URB2: variants seen among roughly 807,000 people sequenced by gnomAD.
URB2 encodes the protein unhealthy ribosome biogenesis protein 2 homolog.
In URB2, 86 loss-of-function variants were observed where a neutral mutation model predicts 120.9. The observed-to-expected ratio is 0.71, with a 90% CI of 0.60 to 0.85. URB2 has a LOEUF of 0.85. URB2 is among the 40% of genes least tolerant of loss of function. The pLI is 0.00. For synonymous variants in URB2, 755 were observed against 758.4 expected, an observed-to-expected ratio of 1.00 and a Z score of 0.07; for missense variants, 1,765 against 1,836.5, an observed-to-expected ratio of 0.96 and a Z score of 0.71.
rs61249383 is a variant in URB2 at position 229,628,052 on chromosome 1, C to G, written c.126+293C>G. Among the ~76,000 whole-genome samples, 485 of 145,548 alleles carry G rather than the reference C, an allele frequency of 3.3e-3. 4 individuals are homozygous for G. The highest frequency in any genetic ancestry group is 0.012 in the African/African-American group (461 of 39,518). On this transcript the variant is annotated intron_variant, in intron 2 of 9. Transcript: ENST00000258243. ...TCGCTTGAGGCCAGGAGTTCTAGAC[C>G]AGACTGGACAACATAATGAGATCCC...
chr1:229,654,319 C>T lies in URB2; in HGVS notation c.4308C>T (p.Ala1436=), dbSNP rs761530834. The change falls in exon 9 of 10, where the codon GCC becomes GCT. Residue 1436 remains alanine (A), a synonymous_variant. Coordinates refer to ENST00000258243, the MANE Select transcript of URB2 (RefSeq NM_014777.4). The part of the protein sequence containing the change: ...RLVERMYSHI[A]ARAEEFAVFS... Reference sequence around the variant, plus strand: ...TTGAAAGAATGTACAGCCACATCGCCGCACGAGCTGAGGAGTTTGCTGTGT... The same window carrying T: ...TTGAAAGAATGTACAGCCACATCGCTGCACGAGCTGAGGAGTTTGCTGTGT... 2.4e-5 allele frequency: 38 copies of T among 1,614,026 alleles called. No individual in the cohort carries two copies. The highest frequency in any genetic ancestry group is 5.5e-5 in the South Asian group (5 of 91,076).
At chr1:229,638,538 C>T (rs897235589) in intron 4 of URB2, among the ~76,000 whole-genome samples, 39 of 151,810 alleles carry the variant, frequency 2.6e-4, no homozygotes, top group South Asian at 4.2e-4. Flanking sequence ...CCCAGCTACT[C>T]GGGAGGCTGA....
chr1:229,647,579 C>T lies in URB2; in HGVS notation c.3976C>T (p.Leu1326=). Residue 1326 remains leucine (L), a synonymous_variant, in exon 7 of 10, where the codon CTG becomes TTG. Transcript: ENST00000258243. ...AGTGGTCGGGCCTGTCTTAGATGTC[C>T]TGGCTGCACTGCTGCGGCAGGGGGA... ...LTVVGPVLDV[L]AALLRQGEEA... is the part of the protein sequence containing the mutation. The T allele has an allele frequency of 6.2e-7, 1 of 1,614,222 alleles. No homozygotes were observed. The highest frequency in any genetic ancestry group is 8.5e-7 in the Non-Finnish European group (1 of 1,180,040).
At chr1:229,653,706 A>G (rs1050173294) in intron 8 of URB2, among the ~76,000 whole-genome samples, 3 of 152,222 alleles carry the variant, frequency 2.0e-5, no homozygotes, top group African/African-American at 7.2e-5. Flanking sequence ...ACTAGGAATC[A>G]GAAGTAAATC....
At position 229,659,029 on chromosome 1, in the gene URB2, C is replaced by T. The variant is rs142825435; in HGVS notation, c.4378-71C>T. On this transcript the variant is annotated intron_variant, in intron 9 of 9. Transcript: ENST00000258243. ...AATTACTTGTTAGTGCTTCCCAAGG[C>T]ATTGTTGGCAGGTGGTGCGGCTTGA... 463 of 1,486,078 alleles carry T rather than the reference C, an allele frequency of 3.1e-4. 1 individual carries two copies. In the African/African-American group the frequency reaches 5.8e-3, roughly 19 times the overall value. The allele number at this position is 1,486,078 out of a possible 1,614,324, so 92.1% of individuals were successfully genotyped here. A position where few individuals can be genotyped will look rare whatever the true frequency, so the allele number is the denominator to read the frequency against.
At chr1:229,626,634 C>T (rs1665489393) in intron 1 of URB2, among the ~76,000 whole-genome samples, 1 of 152,250 alleles carries the variant, frequency 6.6e-6, no homozygotes. Flanking sequence ...GCTGGCAGGG[C>T]TGTGCTGTCC....
rs138540419 is a variant in URB2 at position 229,632,404 on chromosome 1, A to G, written c.262A>G (p.Lys88Glu). ...LHSRKLQNLL[K>E]NGKTINLQIS... Reference sequence around the variant, plus strand: ...TAGCAGAAAATTGCAGAATCTCCTCAAGAATGGAAAGACCATTAATCTTCA... The same window carrying G: ...TAGCAGAAAATTGCAGAATCTCCTCGAGAATGGAAAGACCATTAATCTTCA... Residue 88 changes from lysine to glutamate, a missense_variant, in exon 3 of 10, where the codon AAG becomes GAG. Physicochemically the swap from Lys to Glu is moderately conservative, Grantham distance 56 (BLOSUM62 1). Coordinates refer to ENST00000258243, the MANE Select transcript of URB2 (RefSeq NM_014777.4). 3 of 1,579,312 alleles carry G rather than the reference A, an allele frequency of 1.9e-6. No homozygotes were observed. The highest frequency in any genetic ancestry group is 3.9e-5 in the Admixed American group (2 of 51,636).
rs372919968 is a variant in URB2 at position 229,637,371 on chromosome 1, G to A, written c.2758G>A (p.Val920Met). ...ACCCTATCATGTGCATTATTTTCTTGTGTTACTGTCCATGGCCGTCACCAA... is the reference window on the plus strand; with the variant it reads ...ACCCTATCATGTGCATTATTTTCTTATGTTACTGTCCATGGCCGTCACCAA... Reference protein sequence around the residue: ...LPPYHVHYFLVLLSMAVTKLG... With the variant: ...LPPYHVHYFLMLLSMAVTKLG... The change falls in exon 4 of 10, where the codon GTG becomes ATG. Residue 920 changes from valine (V) to methionine (M), a missense_variant. By Grantham distance (21) the Val-to-Met change is conservative (BLOSUM62 1). Coordinates refer to ENST00000258243, the MANE Select transcript of URB2 (RefSeq NM_014777.4). The A allele has an allele frequency of 2.4e-4, 389 of 1,614,014 alleles. No homozygotes were observed. Among genetic ancestry groups the A allele is most frequent in the Non-Finnish European group, 3.2e-4 (382 of 1,180,036 alleles).
At chr1:229,639,891 C>G (rs1441198682) in intron 4 of URB2, among the ~76,000 whole-genome samples, 1 of 152,142 alleles carries the variant, frequency 6.6e-6, no homozygotes, top group Non-Finnish European at 1.5e-5. Flanking sequence ...TACAGCCCCC[C>G]TGGTGAAAGG....
chr1:229,632,847 G>C (rs1378078069), intron 3 of URB2, among the ~76,000 whole-genome samples: 4 of 138,944 alleles, frequency 2.9e-5, no homozygotes, highest in Non-Finnish European at 6.0e-5. Flanking sequence ...TACGGCCTTC[G>C]AGCCACAAGT....
intron 2 of URB2, 30 bp from the exon 3 acceptor site, chr1:229,632,239 A>C: frequency 6.7e-7 from 1 of 1,484,194 alleles, no homozygotes; most frequent in Non-Finnish European, 8.9e-7. Context: ...AAATAAATTT[A>C]TTTTCAGTGT....
intron 5 of URB2, among the ~76,000 whole-genome samples, chr1:229,645,073 G>T (rs1400394013): frequency 2.0e-5 from 3 of 152,068 alleles, no homozygotes; most frequent in African/African-American, 7.2e-5. Flanking sequence ...ATTATATGAG[G>T]TCAGGAGTTC....
At chr1:229,655,925 T>G (rs1056803625) in intron 9 of URB2, among the ~76,000 whole-genome samples, 2 of 152,204 alleles carry the variant, frequency 1.3e-5, no homozygotes, top group Non-Finnish European at 2.9e-5. Context: ...TTTAGATACA[T>G]CTAGAACTAC....
At chr1:229,653,375 G>A (rs562635359) in intron 8 of URB2, among the ~76,000 whole-genome samples, 22 of 152,246 alleles carry the variant, frequency 1.4e-4, no homozygotes, top group African/African-American at 4.3e-4. Flanking sequence ...ATATGAAGCC[G>A]TCCCCACAAT....
intron 2 of URB2, among the ~76,000 whole-genome samples, chr1:229,630,441 A>T (rs1179753277): frequency 6.6e-6 from 1 of 152,214 alleles, no homozygotes. Flanking sequence ...TGTTCTGATC[A>T]GTCTTGACAT....
rs758079967 is a variant in URB2 at position 229,637,149 on chromosome 1, C to A, written c.2536C>A (p.His846Asn). The A allele has an allele frequency of 1.2e-6, 2 of 1,613,590 alleles. No homozygotes were observed. The highest frequency in any genetic ancestry group is 1.1e-5 in the South Asian group (1 of 91,034). ...QQLPWLFEKDHMVVGHWENRF... is the reference protein window; with the variant it reads ...QQLPWLFEKDNMVVGHWENRF... The stretch of plus-strand genomic sequence containing the variant: ...GCTTCCCTGGCTTTTTGAAAAGGAC[C>A]ACATGGTTGTGGGTCATTGGGAAAA... The change falls in exon 4 of 10, where the codon CAC (histidine) becomes AAC (asparagine). Residue 846 changes from histidine to asparagine, a missense_variant. By Grantham distance (68) the His-to-Asn change is moderately conservative (BLOSUM62 1). Coordinates refer to ENST00000258243, the MANE Select transcript of URB2 (RefSeq NM_014777.4).
chr1:229,647,771 G>A lies in URB2; in HGVS notation c.4149+19G>A, dbSNP rs367574877. The A allele has an allele frequency of 6.2e-7, 1 of 1,604,710 alleles. No homozygotes were observed. The highest frequency in any genetic ancestry group is 8.5e-7 in the Non-Finnish European group (1 of 1,172,900). On this transcript the variant is annotated intron_variant, in intron 7 of 9. Transcript: ENST00000258243. ...CCCTAAGGTGAGAAGGAGGGTGAGA[G>A]TGGCAGGCAGCTTTTCCTCTGCGAG...
At position 229,636,336 on chromosome 1, in the gene URB2, A is replaced by G. The variant is rs1665815462; in HGVS notation, c.1723A>G (p.Met575Val). The G allele has an allele frequency of 6.2e-7, 1 of 1,614,176 alleles. No homozygotes were observed. The highest frequency in any genetic ancestry group is 8.5e-7 in the Non-Finnish European group (1 of 1,180,004). Residue 575 changes from methionine to valine, a missense_variant, in exon 4 of 10, where the codon ATG becomes GTG. Physicochemically the swap from Met to Val is conservative, Grantham distance 21. Coordinates refer to ENST00000258243, the MANE Select transcript of URB2 (RefSeq NM_014777.4). ...VRRTQCMMER[M>V]MRELVQPLLA... Reference sequence around the variant, plus strand: ...ACGGACACAGTGCATGATGGAGAGGATGATGAGGGAGCTCGTGCAGCCCCT... The same window carrying G: ...ACGGACACAGTGCATGATGGAGAGGGTGATGAGGGAGCTCGTGCAGCCCCT...
chr1:229,640,306 C>T (rs3955545), intron 4 of URB2, among the ~76,000 whole-genome samples: 81,019 of 152,050 alleles, frequency 0.53, 21,808 homozygotes, highest in East Asian at 0.77. Flanking sequence ...TTTTCCTCTA[C>T]AGTGAAGGAT....
Sources: gnomAD v4.1 joint callset for allele counts (sites outside exome capture counted in the v4.1 genomes callset) on GRCh38, gnomAD v4.1.1 for gene constraint, MANE v1.5 for transcripts, NCBI Gene and HGNC (gene_info 2026-07-23, HGNC 2026-07-21) for gene names.